The following MET variants were observed in gnomAD, a reference collection of about 807,000 sequenced individuals.
MET encodes the protein MET proto-oncogene, receptor tyrosine kinase.
A neutral mutation model predicts 133.1 loss-of-function variants in MET; 48 were observed. The ratio of observed to expected loss-of-function variants is 0.36; its 90% CI spans 0.29 to 0.46. The LOEUF is 0.46. Among genes scored for constraint, MET ranks in the 20% least tolerant of loss-of-function variants. The pLI, the probability that MET is intolerant of heterozygous loss-of-function variation, is 1.00. For synonymous variants in MET, 628 were observed against 616.5 expected (o/e 1.02, Z -0.28); for missense variants, 1,442 against 1,695.9 (o/e 0.85, Z 2.63).
intron 2 of MET, among the ~76,000 whole-genome samples, chr7:116,726,062 A>T (rs780930361): frequency 7.1e-6 from 1 of 140,474 alleles, no homozygotes; most frequent in Non-Finnish European, 1.5e-5. Flanking sequence ...AAACAATAAG[A>T]TAGAATCTTA....
At position 116,689,073 on chromosome 7, in the gene MET, T is replaced by C. The variant is rs144982888; in HGVS notation, c.-14-9998T>C. 1.2e-3 allele frequency among the ~76,000 whole-genome samples: 187 copies of C among 152,336 alleles called. 1 individual carries two copies. Among genetic ancestry groups the C allele is most frequent in the Admixed American group, 3.6e-3 (55 of 15,300 alleles). On this transcript the variant is annotated intron_variant, in intron 1 of 20. Transcript: ENST00000397752. Reference sequence around the variant, plus strand: ...GCTCATTTATTATAAATAAAGCATGTAAATCAATCTGGGAATACCTTTTCT... The same window carrying C: ...GCTCATTTATTATAAATAAAGCATGCAAATCAATCTGGGAATACCTTTTCT...
intron 2 of MET, among the ~76,000 whole-genome samples, chr7:116,727,580 C>T (rs951790254): frequency 2.6e-5 from 4 of 152,166 alleles, no homozygotes; most frequent in African/African-American, 9.7e-5. Flanking sequence ...TTAGACTCTT[C>T]TGCAGTTCCC....
chr7:116,688,823 GC>G (rs1294361435), intron 1 of MET, among the ~76,000 whole-genome samples: 1 of 152,132 alleles, frequency 6.6e-6, no homozygotes, highest in East Asian at 1.9e-4. Flanking sequence ...CTAACAGGCA[GC>G]CATTTTCAAC....
At chr7:116,691,289 T>A (rs1280997418) in intron 1 of MET, among the ~76,000 whole-genome samples, 1 of 152,172 alleles carries the variant, frequency 6.6e-6, no homozygotes, top group Non-Finnish European at 1.5e-5. Flanking sequence ...GTATACCACC[T>A]CAGAAATCTT....
rs2116605555 is a variant in MET at position 116,700,188 on chromosome 7, A to G, written c.1104A>G (p.Lys368=). The part of the protein sequence containing the change: ...DRSAMCAFPI[K]YVNDFFNKIV... Reference sequence around the variant, plus strand: ...CTGCCATGTGTGCATTCCCTATCAAATATGTCAACGACTTCTTCAACAAGA... The same window carrying G: ...CTGCCATGTGTGCATTCCCTATCAAGTATGTCAACGACTTCTTCAACAAGA... Residue 368 remains lysine (K), a synonymous_variant, in exon 2 of 21, where the codon AAA becomes AAG. Coordinates refer to ENST00000397752, the MANE Select transcript of MET (RefSeq NM_000245.4). 1 of 1,593,236 alleles carries G rather than the reference A, an allele frequency of 6.3e-7. No individual in the cohort carries two copies. The highest frequency in any genetic ancestry group is 8.5e-7 in the Non-Finnish European group (1 of 1,172,180).
rs770257335 is a variant in MET, at chr7:116,699,714, A to G, written c.630A>G (p.Pro210=). The change falls in exon 2 of 21, where the codon CCA becomes CCG. Residue 210 remains proline (P), a synonymous_variant. Coordinates refer to ENST00000397752, the MANE Select transcript of MET (RefSeq NM_000245.4). Reference sequence around the variant, plus strand: ...ATTCTTCTTATTTCCCAGATCATCCATTGCATTCGATATCAGTGAGAAGGC... The same window carrying G: ...ATTCTTCTTATTTCCCAGATCATCCGTTGCATTCGATATCAGTGAGAAGGC... ...TINSSYFPDH[P]LHSISVRRLK... is the part of the protein sequence containing the mutation. The G allele has an allele frequency of 1.2e-5, 19 of 1,613,930 alleles. No homozygotes were observed. Among genetic ancestry groups the G allele is most frequent in the East Asian group, 2.2e-5 (1 of 44,894 alleles).
intron 1 of MET, among the ~76,000 whole-genome samples, chr7:116,690,622 A>G (rs1376517293): frequency 1.3e-5 from 2 of 152,250 alleles, no homozygotes; most frequent in African/African-American, 2.4e-5. Flanking sequence ...GCTTTTGATG[A>G]TCATAACACT....
rs117585786 is a variant in MET, at chr7:116,788,646, A to G, written c.3798+5177A>G. 1.8e-4 allele frequency among the ~76,000 whole-genome samples: 27 copies of G among 152,374 alleles called. 1 individual carries two copies. In the East Asian group the frequency reaches 5.0e-3, roughly 28 times the overall value. ...TGTGCTACATAAAGGCTGAACCTGA[A>G]TAATCTGTACATAATGCTGCTTTGG... On this transcript the variant is annotated intron_variant, in intron 19 of 20. Transcript: ENST00000397752.
chr7:116,699,149 G>T lies in MET; in HGVS notation c.65G>T (p.Ser22Ile), dbSNP rs587780739. 9 of 1,613,802 alleles carry T rather than the reference G, an allele frequency of 5.6e-6. No homozygotes were observed. In the East Asian group the frequency reaches 1.3e-4, roughly 24 times the overall value. ...LVLLFTLVQR[S>I]NGECKEALAK... ...CTCCTGTTTACCTTGGTGCAGAGGAGCAATGGGGAGTGTAAAGAGGCACTA... is the reference window on the plus strand; with the variant it reads ...CTCCTGTTTACCTTGGTGCAGAGGATCAATGGGGAGTGTAAAGAGGCACTA... Residue 22 changes from serine to isoleucine, a missense_variant, in exon 2 of 21, where the codon AGC (serine) becomes ATC (isoleucine). Physicochemically the swap from Ser to Ile is moderately radical, Grantham distance 142. This residue lies in a region of MET where 762 missense variants were observed against 792.4 expected (regional missense o/e 0.96). Transcript: ENST00000397752.
intron 8 of MET, 68 bp downstream of exon 8, chr7:116,757,842 A>C (rs1176339618): frequency 2.6e-6 from 4 of 1,547,096 alleles, no homozygotes; most frequent in Non-Finnish European, 3.6e-6. Flanking sequence ...AAAATTAAGC[A>C]GATTGTTTTG....
At position 116,731,735 on chromosome 7, in the gene MET, C is replaced by A. The variant is rs2116781001; in HGVS notation, c.1268C>A (p.Ala423Asp). The change falls in exon 3 of 21, where the codon GCT becomes GAT. Residue 423 changes from alanine (A) to aspartate (D), a missense_variant. Physicochemically the swap from Ala to Asp is moderately radical, Grantham distance 126. Coordinates refer to ENST00000397752, the MANE Select transcript of MET (RefSeq NM_000245.4). Reference protein sequence around the residue: ...RDEYRTEFTTALQRVDLFMGQ... With the variant: ...RDEYRTEFTTDLQRVDLFMGQ... The stretch of plus-strand genomic sequence containing the variant: ...GAATATCGAACAGAGTTTACCACAG[C>A]TTTGCAGCGCGTTGACTTATTCATG... 3.7e-6 allele frequency: 6 copies of A among 1,614,134 alleles called. No individual in the cohort carries two copies. The highest frequency in any genetic ancestry group is 1.3e-5 in the African/African-American group (1 of 75,052).
rs751909630 is a variant in MET, at chr7:116,771,588, A to G, written c.2821A>G (p.Ile941Val). 1.9e-6 allele frequency: 3 copies of G among 1,613,934 alleles called. No individual in the cohort carries two copies. Among genetic ancestry groups the G allele is most frequent in the South Asian group, 2.2e-5 (2 of 91,078 alleles). ...FTGLIAGVVS[I>V]STALLLLLGF... ...AGGATTGATTGCTGGTGTTGTCTCA[A>G]TATCAACAGCACTGTTATTACTACT... is the stretch of plus-strand genomic sequence containing the variant. The change falls in exon 13 of 21, where the codon ATA becomes GTA. Residue 941 changes from isoleucine to valine, a missense_variant. Around this residue, in one of 6 missense-constraint regions of MET, gnomAD observed 514 missense variants for 659.6 expected, o/e 0.78. Transcript: ENST00000397752.
At chr7:116,692,110 A>G (rs1181335899) in intron 1 of MET, among the ~76,000 whole-genome samples, 2 of 152,212 alleles carry the variant, frequency 1.3e-5, no homozygotes, top group African/African-American at 4.8e-5. Context: ...TTTTAAAACA[A>G]TTAGAAATAC....
chr7:116,717,200 AAGG>A (rs1792276963), intron 2 of MET, among the ~76,000 whole-genome samples: 1 of 152,190 alleles, frequency 6.6e-6, no homozygotes, highest in Non-Finnish European at 1.5e-5. Flanking sequence ...CCCCAAAGAG[AAGG>A]ATCTGCTTTG....
chr7:116,677,176 C>A (rs1796192251), intron 1 of MET, among the ~76,000 whole-genome samples: 1 of 151,960 alleles, frequency 6.6e-6, no homozygotes, highest in African/African-American at 2.4e-5. Context: ...TTCACTGATC[C>A]CTTCCATAGT....
intron 15 of MET, among the ~76,000 whole-genome samples, chr7:116,776,965 A>G (rs925198992): frequency 2.6e-5 from 4 of 152,208 alleles, no homozygotes; most frequent in African/African-American, 4.8e-5. Flanking sequence ...TTATTAGAAT[A>G]TAGAGAACTT....
At chr7:116,791,586 T>C (rs1173687099) in intron 19 of MET, among the ~76,000 whole-genome samples, 1 of 152,196 alleles carries the variant, frequency 6.6e-6, no homozygotes, top group African/African-American at 2.4e-5. Flanking sequence ...TATTGGCTTG[T>C]TTTTGTTTCT....
At chr7:116,696,302 G>A (rs1361027837) in intron 1 of MET, among the ~76,000 whole-genome samples, 2 of 152,150 alleles carry the variant, frequency 1.3e-5, no homozygotes, top group African/African-American at 2.4e-5. Flanking sequence ...AGGGCATCAT[G>A]TCTTTGTAGA....
At chr7:116,713,781 C>T (rs895215214) in intron 2 of MET, among the ~76,000 whole-genome samples, 1 of 152,144 alleles carries the variant, frequency 6.6e-6, no homozygotes, top group African/African-American at 2.4e-5. Context: ...TATTGGGACA[C>T]AATTGAAGGA....
Sources: allele counts gnomAD v4.1 joint callset (sites outside exome capture counted in the v4.1 genomes callset), GRCh38; gene constraint gnomAD v4.1.1; regional missense constraint gnomAD v4.1.1; transcripts MANE v1.5; gene names NCBI Gene and HGNC (gene_info 2026-07-23, HGNC 2026-07-21).